Variants in ADGRB1 observed in about 807,000 individuals in gnomAD.
ADGRB1 encodes the protein brain-specific angiogenesis inhibitor 1.
In ADGRB1, 36 loss-of-function variants were observed where a neutral mutation model predicts 175.7. That is an observed-to-expected ratio of 0.20 (90% CI 0.16 to 0.27). The LOEUF (loss-of-function observed/expected upper bound fraction) is 0.27. Ranked by LOEUF, ADGRB1 falls within the 10% of genes least tolerant of loss-of-function variation. The pLI is 1.00. For missense variants in ADGRB1, 1,731 were observed against 2,255.3 expected, an observed-to-expected ratio of 0.77 and a Z score of 4.71; for synonymous variants, 1,054 against 979.4, an observed-to-expected ratio of 1.08 and a Z score of -1.42.
chr8:142,528,038 T>A (rs1180875921), intron 24 of ADGRB1, among the ~76,000 whole-genome samples: 1 of 152,110 alleles, frequency 6.6e-6, no homozygotes, highest in East Asian at 1.9e-4. Flanking sequence ...CTCGCCTGTG[T>A]GGCCGTGTAG....
At chr8:142,484,193 A>G in intron 12 of ADGRB1, 148 bp downstream of exon 12, 2 of 684,900 alleles carry the variant, frequency 2.9e-6, no homozygotes, top group South Asian at 3.7e-5. Flanking sequence ...TGTTGGCAGC[A>G]CTGAGGAAGC....
chr8:142,460,218 C>G (rs1202380578), intron 1 of ADGRB1, among the ~76,000 whole-genome samples: 1 of 152,186 alleles, frequency 6.6e-6, no homozygotes, highest in Non-Finnish European at 1.5e-5. Context: ...TGCAGGAGAC[C>G]TCGGCTGGCT....
intron 17 of ADGRB1, among the ~76,000 whole-genome samples, chr8:142,502,411 G>A (rs1357363529): frequency 1.8e-4 from 25 of 140,840 alleles, no homozygotes; most frequent in East Asian, 4.3e-4. Context: ...GGTGGTGGTG[G>A]TGGTGGTGAT....
intron 24 of ADGRB1, among the ~76,000 whole-genome samples, chr8:142,529,744 A>ATGTGTGAGTGTGCATC (rs549754444): frequency 1.3e-3 from 184 of 145,590 alleles, no homozygotes; most frequent in African/African-American, 4.7e-3. Flanking sequence ...CAGTGTGCAT[A>ATGTGTGAGTGTGCATC]TGTGTGAGTG....
In ADGRB1 at chr8:142,542,183, T is replaced by G. The variant is rs2132287938; in HGVS notation, c.3949T>G (p.Ser1317Ala). 6.2e-7 allele frequency: 1 copy of G among 1,613,350 alleles called. No individual in the cohort carries two copies. Among genetic ancestry groups the G allele is most frequent in the East Asian group, 2.2e-5 (1 of 44,838 alleles). The change falls in exon 28 of 31, where the codon TCC becomes GCC. Residue 1317 changes from serine (S) to alanine (A), a missense_variant. This residue lies in a region of ADGRB1 where 394 missense variants were observed against 410.2 expected (regional missense o/e 0.96). Coordinates refer to ENST00000517894, the MANE Select transcript of ADGRB1 (RefSeq NM_001702.3). The surrounding 1 kb of genome is among the most constrained non-coding windows in gnomAD (Gnocchi z 6.3). ...CCTCAAGAGGGACAAGGCGCCCAAG[T>G]CCTCCTTCGTCGGTGACGGGGACAT... Reference protein sequence around the residue: ...LTLKRDKAPKSSFVGDGDIFK... With the variant: ...LTLKRDKAPKASFVGDGDIFK...
intron 18 of ADGRB1, among the ~76,000 whole-genome samples, chr8:142,516,676 A>G (rs66615287): frequency 0.89 from 123,238 of 138,876 alleles, 54,725 homozygotes; most frequent in Non-Finnish European, 0.94. Flanking sequence ...TCCCAGGTGC[A>G]TGCCTGTGTG....
At chr8:142,466,178 G>A (rs146791005) in intron 2 of ADGRB1, among the ~76,000 whole-genome samples, 265 of 152,302 alleles carry the variant, frequency 1.7e-3, no homozygotes, top group African/African-American at 5.8e-3. Flanking sequence ...TCGGGTGTTC[G>A]GGGGTGAGGC....
intron 27 of ADGRB1, 38 bp from the exon 28 acceptor site, chr8:142,541,903 C>G (rs959586769): frequency 2.6e-6 from 4 of 1,510,324 alleles, no homozygotes; most frequent in Non-Finnish European, 3.5e-6. Flanking sequence ...TCCTCACCCC[C>G]ACACCTGTCC....
intron 24 of ADGRB1, 97 bp downstream of exon 24, chr8:142,526,724 A>C: frequency 1.6e-6 from 2 of 1,234,014 alleles, no homozygotes; most frequent in Non-Finnish European, 2.3e-6. Flanking sequence ...GCCCAATCTG[A>C]GACTGCAGGT....
intron 21 of ADGRB1, 35 bp from the exon 22 acceptor site, chr8:142,522,606 G>A (rs748938083): frequency 2.6e-6 from 4 of 1,529,482 alleles, no homozygotes; most frequent in Middle Eastern, 1.7e-4. Flanking sequence ...GGGGACTTGG[G>A]TGGGGCCAAC....
chr8:142,510,121 G>A lies in ADGRB1; in HGVS notation c.2676-811G>A, dbSNP rs1217209660. Among the ~76,000 whole-genome samples the A allele has an allele frequency of 6.6e-6, 1 of 152,090 alleles. No homozygotes were observed. Among genetic ancestry groups the A allele is most frequent in the Non-Finnish European group, 1.5e-5 (1 of 67,986 alleles). On this transcript the variant is annotated intron_variant, in intron 17 of 30. Coordinates refer to ENST00000517894, the MANE Select transcript of ADGRB1 (RefSeq NM_001702.3). The surrounding 1 kb of genome is among the most constrained non-coding windows in gnomAD (Gnocchi z 6.3). ...AGGTGGAGGAGGAAGAACAGGAGGA[G>A]GAGGTTGGGGGTGGAGAGGAGGAGG...
At chr8:142,450,355 AG>A (rs565219816) in intron 1 of ADGRB1, among the ~76,000 whole-genome samples, 97 of 149,610 alleles carry the variant, frequency 6.5e-4, no homozygotes, top group African/African-American at 2.3e-3. Context: ...CAGGCTGAGG[AG>A]GGGGCGACCC....
rs1423577059 is a variant in ADGRB1, at chr8:142,493,956, C to T, written c.2675+3141C>T. Among the ~76,000 whole-genome samples the T allele has an allele frequency of 6.6e-6, 1 of 152,156 alleles. No homozygotes were observed. The highest frequency in any genetic ancestry group is 1.5e-5 in the Non-Finnish European group (1 of 68,030). On this transcript the variant is annotated intron_variant, in intron 17 of 30. Coordinates refer to ENST00000517894, the MANE Select transcript of ADGRB1 (RefSeq NM_001702.3). This position sits in a 1 kb window ranked among gnomAD's most constrained non-coding sequence, Gnocchi z 5.0. The stretch of plus-strand genomic sequence containing the variant: ...TGAAGTGGAGACCACGGGCAGGGGC[C>T]CAGGTCTGTTTCCACCAGGGCACCA...
Position 142,510,906 on chromosome 8 carries a change from C to G in ADGRB1, c.2676-26C>G. 1 of 1,068,224 alleles carries G rather than the reference C, an allele frequency of 9.4e-7. No homozygotes were observed. The highest frequency in any genetic ancestry group is 1.1e-6 in the Non-Finnish European group (1 of 880,044). The allele number at this position is 1,068,224 out of a possible 1,614,324, so 66.2% of individuals were successfully genotyped here. A position where few individuals can be genotyped will look rare whatever the true frequency, so the allele number is the denominator to read the frequency against. On this transcript the variant is annotated intron_variant, in intron 17 of 30. Transcript: ENST00000517894. This position sits in a 1 kb window ranked among gnomAD's most constrained non-coding sequence, Gnocchi z 6.3. ...GCCGCCGCTGACGCTCCGCCTGTCT[C>G]CCTCCCGTGTCCCGCCCGCCCCCAG...
intron 6 of ADGRB1, 74 bp from the exon 7 acceptor site, chr8:142,478,113 T>C (rs1841091073): frequency 6.5e-7 from 1 of 1,538,264 alleles, no homozygotes; most frequent in Non-Finnish European, 8.8e-7. Context: ...CCCAGGGTGC[T>C]CACACCCACA....
chr8:142,488,881 G>A (rs1054853904), intron 14 of ADGRB1, among the ~76,000 whole-genome samples, 154 bp from the exon 15 acceptor site: 9 of 152,212 alleles, frequency 5.9e-5, no homozygotes, highest in African/African-American at 9.6e-5. Flanking sequence ...CACTGTGTCC[G>A]TGGGTGGGTG....
At chr8:142,456,190 C>T (rs887202952) in intron 1 of ADGRB1, among the ~76,000 whole-genome samples, 16 of 152,160 alleles carry the variant, frequency 1.1e-4, no homozygotes, top group Non-Finnish European at 1.6e-4. Context: ...CCAGATCTCA[C>T]GGGCAGCTCC....
At chr8:142,499,575 G>A (rs1052188846) in intron 17 of ADGRB1, among the ~76,000 whole-genome samples, 9 of 152,212 alleles carry the variant, frequency 5.9e-5, no homozygotes, top group Admixed American at 1.3e-4. Flanking sequence ...GCGCCTCAAA[G>A]GCCCAGAGGC....
intron 1 of ADGRB1, among the ~76,000 whole-genome samples, chr8:142,462,297 C>T (rs912158927): frequency 1.3e-5 from 2 of 152,210 alleles, no homozygotes; most frequent in Admixed American, 1.3e-4. Flanking sequence ...CCAGCTTCCT[C>T]CCCCTGCTGG....
Sources: allele counts gnomAD v4.1 joint callset (sites outside exome capture counted in the v4.1 genomes callset), GRCh38; gene constraint gnomAD v4.1.1; regional missense constraint gnomAD v4.1.1; non-coding constraint Gnocchi (gnomAD v3.1); transcripts MANE v1.5; gene names NCBI Gene and HGNC (gene_info 2026-07-23, HGNC 2026-07-21).